The following MACF1 variants were observed in gnomAD, a reference collection of about 807,000 sequenced individuals.
The protein encoded by MACF1 is microtubule-actin cross-linking factor 1.
In MACF1, 193 loss-of-function variants were observed where a neutral mutation model predicts 854.8. The ratio of observed to expected loss-of-function variants is 0.23; its 90% CI spans 0.20 to 0.25. The LOEUF (loss-of-function observed/expected upper bound fraction) is 0.25. Among genes scored for constraint, MACF1 ranks in the 10% least tolerant of loss-of-function variants. The pLI, the probability that MACF1 is intolerant of heterozygous loss-of-function variation, is 1.00. For synonymous variants in MACF1, 3,185 were observed against 3,226.7 expected, an observed-to-expected ratio of 0.99 and a Z score of 0.44; for missense variants, 7,722 against 8,929.1, an observed-to-expected ratio of 0.86 and a Z score of 5.45.
intron 2 of MACF1, among the ~76,000 whole-genome samples, chr1:39,143,904 C>T (rs1313963788): frequency 6.6e-6 from 1 of 151,490 alleles, no homozygotes; most frequent in Admixed American, 6.6e-5. Context: ...CCTCCTGCCT[C>T]AGCCTCTGGA....
chr1:39,267,358 A>G (rs1645245728), intron 6 of MACF1, among the ~76,000 whole-genome samples: 1 of 152,112 alleles, frequency 6.6e-6, no homozygotes, highest in Admixed American at 6.5e-5. Context: ...AGCCTCCTGA[A>G]TAGCTGGGAC....
At chr1:39,099,215 G>A (rs992250259) in intron 2 of MACF1, among the ~76,000 whole-genome samples, 11 of 152,194 alleles carry the variant, frequency 7.2e-5, no homozygotes, top group Admixed American at 4.6e-4. Context: ...GAATGCAATG[G>A]CACGATCTAG....
At chr1:39,094,323 A>G (rs568633612) in intron 2 of MACF1, among the ~76,000 whole-genome samples, 10 of 152,012 alleles carry the variant, frequency 6.6e-5, no homozygotes, top group African/African-American at 2.4e-4. Context: ...AATCGCTTGA[A>G]CGCGGGAGGT....
In MACF1 at chr1:39,340,868, G is replaced by T. The variant is rs1646921405; in HGVS notation, c.10496G>T (p.Gly3499Val). The T allele has an allele frequency of 6.2e-7, 1 of 1,613,820 alleles. No homozygotes were observed. The highest frequency in any genetic ancestry group is 8.5e-7 in the Non-Finnish European group (1 of 1,179,976). Reference protein sequence around the residue: ...GRLQDLRAWVGNKNLILNSKG... With the variant: ...GRLQDLRAWVVNKNLILNSKG... ...CTTCAAGATCTGAGAGCCTGGGTTG[G>T]CAATAAAAATCTTATTCTGAACAGC... Residue 3499 changes from glycine (G) to valine (V), a missense_variant, in exon 40 of 101, where the codon GGC (glycine) becomes GTC (valine). Transcript: ENST00000564288.
Position 39,485,848 on chromosome 1 carries a change from T to G in MACF1, c.*54T>G, listed in dbSNP as rs1645095341. On this transcript the variant is annotated 3_prime_UTR_variant, in exon 101 of 101. Coordinates refer to ENST00000564288, the MANE Select transcript of MACF1 (RefSeq NM_001394062.1). The stretch of plus-strand genomic sequence containing the variant: ...CCACTTTGAATCCTGCTCCATACAT[T>G]GGGTGTATATTTATTCTGAACGGGA... 6.7e-7 allele frequency: 1 copy of G among 1,493,192 alleles called. No individual in the cohort carries two copies. 92.5% of individuals were successfully genotyped at this position (1,493,192 alleles called of 1,614,324 possible). A position where few individuals can be genotyped will look rare whatever the true frequency, so the allele number is the denominator to read the frequency against.
intron 58 of MACF1, among the ~76,000 whole-genome samples, chr1:39,389,227 A>G (rs987630214): frequency 6.6e-6 from 1 of 151,970 alleles, no homozygotes; most frequent in Non-Finnish European, 1.5e-5. Context: ...AATTAAGGAT[A>G]TAGAAAGAAA....
At chr1:39,415,061 A>C (rs763617380) in intron 58 of MACF1, among the ~76,000 whole-genome samples, 3 of 152,232 alleles carry the variant, frequency 2.0e-5, no homozygotes, top group African/African-American at 7.2e-5. Flanking sequence ...TCAAATAGGT[A>C]TGTTGGTTGG....
chr1:39,309,954 T>C (rs1035736244), intron 24 of MACF1, among the ~76,000 whole-genome samples: 1 of 152,238 alleles, frequency 6.6e-6, no homozygotes, highest in African/African-American at 2.4e-5. Flanking sequence ...TTTCTCACTC[T>C]GTAAGACAAT....
intron 2 of MACF1, among the ~76,000 whole-genome samples, chr1:39,157,585 A>G (rs534802819): frequency 4.1e-4 from 62 of 152,330 alleles, no homozygotes; most frequent in African/African-American, 1.5e-3. Context: ...TAATATGCCA[A>G]GGCTTTTGTG....
intron 52 of MACF1, among the ~76,000 whole-genome samples, chr1:39,375,388 A>G (rs1217049862): frequency 2.6e-5 from 4 of 151,296 alleles, no homozygotes; most frequent in African/African-American, 4.9e-5. Context: ...TGCAAGCTCC[A>G]TCTCCCAGGT....
chr1:39,458,550 T>A, intron 90 of MACF1, 60 bp downstream of exon 90: 1 of 1,517,970 alleles, frequency 6.6e-7, no homozygotes, highest in African/African-American at 1.4e-5. Flanking sequence ...GATGAGCACT[T>A]TCCAAATGCC....
At chr1:39,102,136 C>T (rs1377809966) in intron 2 of MACF1, among the ~76,000 whole-genome samples, 2 of 151,266 alleles carry the variant, frequency 1.3e-5, no homozygotes, top group African/African-American at 4.9e-5. Flanking sequence ...GAGATCGCGC[C>T]ACTGCACTCC....
At chr1:39,214,350 C>T (rs1028728908) in intron 1 of MACF1, among the ~76,000 whole-genome samples, 1 of 152,172 alleles carries the variant, frequency 6.6e-6, no homozygotes. Context: ...CATTGTGTTT[C>T]TTCAACATTC....
intron 2 of MACF1, among the ~76,000 whole-genome samples, chr1:39,095,952 T>TGAACCGGGAGGCA (rs1641927017): frequency 1.3e-5 from 2 of 152,112 alleles, no homozygotes; most frequent in African/African-American, 4.8e-5. Context: ...GAGAATCACT[T>TGAACCGGGAGGCA]GAGTCTGGGA....
chr1:39,188,332 C>A (rs941977316), intron 2 of MACF1, among the ~76,000 whole-genome samples: 1 of 152,018 alleles, frequency 6.6e-6, no homozygotes, highest in African/African-American at 2.4e-5. Flanking sequence ...TGCTTGAGCC[C>A]CGGAGGTTGA....
In MACF1 at chr1:39,285,639, A is replaced by G. The variant is rs781245477; in HGVS notation, c.1389A>G (p.Gln463=). The G allele has an allele frequency of 1.5e-5, 25 of 1,613,878 alleles. No homozygotes were observed. The highest frequency in any genetic ancestry group is 2.7e-5 in the African/African-American group (2 of 74,844). Residue 463 remains glutamine, a synonymous_variant, in exon 14 of 101, where the codon CAA becomes CAG. Transcript: ENST00000564288. ...ACCTGGAATCAGGACAACCGGTACAATGTGAGTCAGATGTCATTATGTACA... is the reference window on the plus strand; with the variant it reads ...ACCTGGAATCAGGACAACCGGTACAGTGTGAGTCAGATGTCATTATGTACA... ...AAHLESGQPV[Q]CESDVIMYIQ...
intron 2 of MACF1, among the ~76,000 whole-genome samples, chr1:39,232,292 A>G (rs1644787339): frequency 6.6e-6 from 1 of 152,082 alleles, no homozygotes; most frequent in South Asian, 2.1e-4. Flanking sequence ...TCTCTGGGAA[A>G]GGGAAAGGTC....
intron 2 of MACF1, among the ~76,000 whole-genome samples, chr1:39,112,301 G>C (rs1642431651): frequency 6.6e-6 from 1 of 151,910 alleles, no homozygotes; most frequent in African/African-American, 2.4e-5. Context: ...GGCCAGGCTG[G>C]TCTCAAACTC....
At position 39,166,130 on chromosome 1, in the gene MACF1, A is replaced by T. The variant is rs559760040; in HGVS notation, c.221-65052A>T. Among the ~76,000 whole-genome samples the T allele has an allele frequency of 2.0e-3, 298 of 149,296 alleles. 2 individuals carry two copies. The highest frequency in any genetic ancestry group is 7.1e-3 in the African/African-American group (288 of 40,518). On this transcript the variant is annotated intron_variant, in intron 2 of 93. Transcript: ENST00000361689. ...GTCACCCAGGCTGGGGTGCAATGGC[A>T]TATCTCTGCTCACTGCAACCTCTGC...
Sources: gnomAD v4.1 joint callset for allele counts (sites outside exome capture counted in the v4.1 genomes callset) on GRCh38, gnomAD v4.1.1 for gene constraint, MANE v1.5 for transcripts, NCBI Gene and HGNC (gene_info 2026-07-23, HGNC 2026-07-21) for gene names.